Variants in FCSK observed in about 807,000 individuals in gnomAD.
FCSK encodes the protein fucose kinase.
A neutral mutation model predicts 122.5 loss-of-function variants in FCSK; 123 were observed. That is an observed-to-expected ratio of 1.00 (90% CI 0.87 to 1.17). The LOEUF (loss-of-function observed/expected upper bound fraction) is 1.17. Among genes scored for constraint, FCSK ranks in the 50% most tolerant of loss-of-function variants. The pLI, the probability that FCSK is intolerant of heterozygous loss-of-function variation, is 0.00. For synonymous variants in FCSK, 620 were observed against 625.5 expected, an observed-to-expected ratio of 0.99 and a Z score of 0.13; for missense variants, 1,366 against 1,450.4, an observed-to-expected ratio of 0.94 and a Z score of 0.95.
At chr16:70,454,931 C>T (rs2048042707) in intron 1 of FCSK, 1 of 152,228 alleles carries the variant, frequency 6.6e-6, no homozygotes, top group Non-Finnish European at 1.5e-5. Flanking sequence ...GGATCCTCAC[C>T]CTGAGGCAGG....
intron 4 of FCSK, among the ~76,000 whole-genome samples, chr16:70,465,820 G>T (rs1453175113): frequency 6.6e-6 from 1 of 152,118 alleles, no homozygotes; most frequent in African/African-American, 2.4e-5. Flanking sequence ...AGGCATGGTG[G>T]TGCATGCCTG....
chr16:70,478,709 G>C (rs2048898115), intron 22 of FCSK, 59 bp downstream of exon 22: 6 of 1,436,034 alleles, frequency 4.2e-6, no homozygotes, highest in Non-Finnish European at 5.8e-6. Flanking sequence ...GTCACTTGTG[G>C]GTTTGAGGCC....
At chr16:70,458,301 A>G (rs1259836768) in intron 1 of FCSK, among the ~76,000 whole-genome samples, 1 of 151,248 alleles carries the variant, frequency 6.6e-6, no homozygotes, top group African/African-American at 2.4e-5. Flanking sequence ...CTGGGATTAC[A>G]GGCACCCGCC....
chr16:70,456,893 G>A (rs551165302), intron 1 of FCSK, among the ~76,000 whole-genome samples: 5 of 152,134 alleles, frequency 3.3e-5, no homozygotes, highest in East Asian at 3.9e-4. Context: ...GGTGGTGCGC[G>A]CCTGTAGTCC....
chr16:70,472,694 C>A, intron 14 of FCSK, 89 bp downstream of exon 14: 2 of 1,088,402 alleles, frequency 1.8e-6, no homozygotes, highest in Non-Finnish European at 1.3e-6. Flanking sequence ...TGCCCCAGAG[C>A]AGCACGGGCC....
rs543423624 is a variant in FCSK, at chr16:70,470,240, C to T, written c.956-74C>T. On this transcript the variant is annotated intron_variant, in intron 10 of 23. Transcript: ENST00000288078. ...TGGCCACACCTGCCCCCATGTGTCT[C>T]TGCTGCTGGGAGGCAGCCTGGCCCC... is the stretch of plus-strand genomic sequence containing the variant. 3.2e-5 allele frequency: 32 copies of T among 1,004,304 alleles called. No homozygotes were observed. In the Middle Eastern group the frequency reaches 6.3e-4, roughly 20 times the overall value. 62.2% of individuals were successfully genotyped at this position (1,004,304 alleles called of 1,614,324 possible). A position where few individuals can be genotyped will look rare whatever the true frequency, so the allele number is the denominator to read the frequency against.
rs748150107 is a variant in FCSK at position 70,479,674 on chromosome 16, C to T, written c.3249C>T (p.Phe1083=). 2 of 1,613,536 alleles carry T rather than the reference C, an allele frequency of 1.2e-6. No homozygotes were observed. Among genetic ancestry groups the T allele is most frequent in the East Asian group, 2.2e-5 (1 of 44,882 alleles). Residue 1083 remains phenylalanine, a synonymous_variant, in exon 24 of 24, where the codon TTC becomes TTT. Transcript: ENST00000288078. Reference sequence around the variant, plus strand: ...CCGAGGCCTCAACCTGTTGCCCTTTCCCATGAAGCTGGCTTCTCTCTGCAA... The same window carrying T: ...CCGAGGCCTCAACCTGTTGCCCTTTTCCATGAAGCTGGCTTCTCTCTGCAA... The part of the protein sequence containing the change: ...LGTEASTCCP[F]P
intron 22 of FCSK, 115 bp downstream of exon 22, chr16:70,478,765 G>A: frequency 1.2e-6 from 1 of 845,634 alleles, no homozygotes; most frequent in South Asian, 1.4e-5. Context: ...TTCGGCCTCT[G>A]GGAACAGAAG....
intron 1 of FCSK, among the ~76,000 whole-genome samples, chr16:70,455,504 C>CCAA (rs10623842): frequency 0.44 from 66,565 of 150,788 alleles, 14,770 homozygotes; most frequent in Non-Finnish European, 0.47. Context: ...ACAAAACAAA[C>CCAA]CAACAACAAC....
chr16:70,479,653 G>T lies in FCSK; in HGVS notation c.3228G>T (p.Glu1076Asp), dbSNP rs559026788. The change falls in exon 24 of 24, where the codon GAG (glutamate) becomes GAT (aspartate). Residue 1076 changes from glutamate (E) to aspartate (D), a missense_variant. Transcript: ENST00000288078. ...TGAGCCTGAAGCTGCTGGGGACCGA[G>T]GCCTCAACCTGTTGCCCTTTCCCAT... ...QGLSLKLLGT[E>D]ASTCCPFP 1 of 1,614,080 alleles carries T rather than the reference G, an allele frequency of 6.2e-7. No homozygotes were observed. Among genetic ancestry groups the T allele is most frequent in the South Asian group, 1.1e-5 (1 of 91,074 alleles).
Position 70,479,315 on chromosome 16 carries a change from C to G in FCSK, c.3065C>G (p.Ala1022Gly). ...CCCCACGTGCATGGCCAGAGCCTGG[C>G]TGGGGCAGGCGGTGGAGGCTTTCTC... ...LAPHVHGQSL[A>G]GAGGGGFLYL... The change falls in exon 23 of 24, where the codon GCT becomes GGT. Residue 1022 changes from alanine (A) to glycine (G), a missense_variant. Ala to Gly is a moderately conservative substitution (Grantham distance 60). Transcript: ENST00000288078. 3 of 1,614,016 alleles carry G rather than the reference C, an allele frequency of 1.9e-6. No individual in the cohort carries two copies. Among genetic ancestry groups the G allele is most frequent in the Non-Finnish European group, 2.5e-6 (3 of 1,180,026 alleles).
At position 70,479,501 on chromosome 16, in the gene FCSK, G is replaced by A. The variant is rs1331166933; in HGVS notation, c.3154-78G>A. 3 of 1,492,494 alleles carry A rather than the reference G, an allele frequency of 2.0e-6. No homozygotes were observed. The East Asian group carries it at 7.0e-5, about 35-fold the overall frequency. 92.5% of individuals were successfully genotyped at this position (1,492,494 alleles called of 1,614,324 possible). A position where few individuals can be genotyped will look rare whatever the true frequency, so the allele number is the denominator to read the frequency against. The stretch of plus-strand genomic sequence containing the variant: ...AGGGGCTATATCTGTAAGTCCCCCT[G>A]GTCCTGCAGGCCCAGTCCAGCCTCC... On this transcript the variant is annotated intron_variant, in intron 23 of 23. Transcript: ENST00000288078.
rs760093575 is a variant in FCSK at position 70,466,277 on chromosome 16, C to T, written c.411+20C>T. 9.9e-6 allele frequency: 16 copies of T among 1,613,342 alleles called. No individual in the cohort carries two copies. The highest frequency in any genetic ancestry group is 1.4e-5 in the Non-Finnish European group (16 of 1,179,474). On this transcript the variant is annotated intron_variant, in intron 5 of 23. Coordinates refer to ENST00000288078, the MANE Select transcript of FCSK (RefSeq NM_145059.3). ...TATCGGGTGAGGCTGGGTGGTGGCCCGTGGTGCCTCGTCCCAGATAGAGCC... is the reference window on the plus strand; with the variant it reads ...TATCGGGTGAGGCTGGGTGGTGGCCTGTGGTGCCTCGTCCCAGATAGAGCC...
chr16:70,463,790 G>A lies in FCSK; in HGVS notation c.234+16G>A. 6.3e-7 allele frequency: 1 copy of A among 1,597,560 alleles called. No homozygotes were observed. Among genetic ancestry groups the A allele is most frequent in the Non-Finnish European group, 8.5e-7 (1 of 1,173,556 alleles). ...AGGCTTCACTGTGAGTGCTCACCAG[G>A]GCCACCTCCCTGGTCTGTGTCCCTG... On this transcript the variant is annotated intron_variant, in intron 3 of 23. Transcript: ENST00000288078.
intron 13 of FCSK, 79 bp from the exon 14 acceptor site, chr16:70,472,462 G>T: frequency 1.7e-6 from 2 of 1,161,930 alleles, no homozygotes; most frequent in Non-Finnish European, 2.5e-6. Context: ...CACTTGAGCA[G>T]CTCCTGGCCC....
chr16:70,479,338 CTCTA>C lies in FCSK; in HGVS notation c.3092_3095del (p.Tyr1031CysfsTer2), dbSNP rs747756834. 2 of 1,613,968 alleles carry C rather than the reference CTCTA, an allele frequency of 1.2e-6. No individual in the cohort carries two copies. Among genetic ancestry groups the C allele is most frequent in the South Asian group, 2.2e-5 (2 of 91,076 alleles). ...GGCTGGGGCAGGCGGTGGAGGCTTT[CTCTA>C]TCTGTTGACCAAGGAGCCACAGCAA... On this transcript the variant is annotated frameshift_variant, in exon 23 of 24. Coordinates refer to ENST00000288078, the MANE Select transcript of FCSK (RefSeq NM_145059.3). LOFTEE classifies it high-confidence loss of function.
At chr16:70,462,550 T>C (rs978706567) in intron 1 of FCSK, among the ~76,000 whole-genome samples, 2 of 152,188 alleles carry the variant, frequency 1.3e-5, no homozygotes, top group Non-Finnish European at 2.9e-5. Flanking sequence ...GGTCTCGAAC[T>C]CCTGACCTCA....
At chr16:70,467,275 C>A in intron 6 of FCSK, 99 bp from the exon 7 acceptor site, 2 of 765,778 alleles carry the variant, frequency 2.6e-6, no homozygotes, top group Non-Finnish European at 4.3e-6. Context: ...TTTAGAGGTG[C>A]CCAGGTGCCG....
In FCSK at chr16:70,469,361, C is replaced by T. The variant is rs1278051288; in HGVS notation, c.955+38C>T. The T allele has an allele frequency of 1.2e-5, 19 of 1,539,846 alleles. No individual in the cohort carries two copies. In the Admixed American group the frequency reaches 1.7e-4, roughly 14 times the overall value. ...TCTCAGCTCCCTGGGGTGGGGAGACCATGGGAGTGAGGACCCCAAGAATGG... is the reference window on the plus strand; with the variant it reads ...TCTCAGCTCCCTGGGGTGGGGAGACTATGGGAGTGAGGACCCCAAGAATGG... On this transcript the variant is annotated intron_variant, in intron 10 of 23. Coordinates refer to ENST00000288078, the MANE Select transcript of FCSK (RefSeq NM_145059.3).
Sources: allele counts gnomAD v4.1 joint callset (sites outside exome capture counted in the v4.1 genomes callset), GRCh38; gene constraint gnomAD v4.1.1; transcripts MANE v1.5; gene names NCBI Gene and HGNC (gene_info 2026-07-23, HGNC 2026-07-21).